Variants in WDFY3 observed in about 807,000 individuals in gnomAD.
WDFY3 encodes the protein WD repeat and FYVE domain-containing protein 3.
A neutral mutation model predicts 409.6 loss-of-function variants in WDFY3; 66 were observed. The ratio of observed to expected loss-of-function variants is 0.16; its 90% confidence interval spans 0.13 to 0.20. WDFY3 has a LOEUF of 0.20. Ranked by LOEUF, WDFY3 falls within the 10% of genes least tolerant of loss-of-function variation. WDFY3 has a pLI of 1.00. For synonymous variants in WDFY3, 1,521 were observed against 1,537.1 expected (o/e 0.99, Z 0.25); for missense variants, 3,031 against 4,298.1 (o/e 0.71, Z 8.24).
intron 1 of WDFY3, among the ~76,000 whole-genome samples, chr4:84,957,895 T>C (rs1337027545): frequency 6.6e-6 from 1 of 152,164 alleles, no homozygotes; most frequent in Non-Finnish European, 1.5e-5. Context: ...AAGTAATAAA[T>C]TAACCTGAAA....
chr4:84,795,345 G>C (rs574667235), intron 19 of WDFY3, among the ~76,000 whole-genome samples: 2 of 152,244 alleles, frequency 1.3e-5, no homozygotes, highest in South Asian at 2.1e-4. Flanking sequence ...GATTGCTTTT[G>C]ACTATTCCCA....
intron 1 of WDFY3, among the ~76,000 whole-genome samples, chr4:84,964,507 T>C (rs1775372268): frequency 6.6e-6 from 1 of 152,206 alleles, no homozygotes; most frequent in Non-Finnish European, 1.5e-5. Context: ...GAACAACTGA[T>C]GTAAACTTTT....
intron 44 of WDFY3, 84 bp from the exon 45 acceptor site, chr4:84,726,995 T>C: frequency 8.2e-7 from 1 of 1,218,392 alleles, no homozygotes; most frequent in African/African-American, 1.5e-5. Flanking sequence ...TTGAGGATTG[T>C]ATGAAATATG....
chr4:84,702,228 G>T, intron 56 of WDFY3, 125 bp downstream of exon 56: 2 of 1,097,332 alleles, frequency 1.8e-6, no homozygotes, highest in South Asian at 2.1e-5. Context: ...GCAAATGACT[G>T]CAAGAAACTG....
At chr4:84,909,049 C>T (rs1767427523) in intron 2 of WDFY3, among the ~76,000 whole-genome samples, 1 of 151,368 alleles carries the variant, frequency 6.6e-6, no homozygotes, top group Non-Finnish European at 1.5e-5. Flanking sequence ...CACACACACG[C>T]ACACACACAC....
chr4:84,732,458 T>C (rs1736757948), intron 44 of WDFY3, among the ~76,000 whole-genome samples: 1 of 152,320 alleles, frequency 6.6e-6, no homozygotes, highest in East Asian at 1.9e-4. Context: ...ATAGTCACTA[T>C]GGAATGTAAT....
intron 4 of WDFY3, among the ~76,000 whole-genome samples, chr4:84,850,951 T>TTTTTTTTTTTTTTTTTA (rs1758906689): frequency 1.1e-5 from 1 of 89,420 alleles, no homozygotes; most frequent in Non-Finnish European, 2.6e-5. Flanking sequence ...TTTTTTTTTT[T>TTTTTTTTTTTTTTTTTA]TTTTTTTTTT....
chr4:84,941,737 A>G (rs993371083), intron 1 of WDFY3, among the ~76,000 whole-genome samples: 7 of 152,132 alleles, frequency 4.6e-5, no homozygotes, highest in Admixed American at 2.6e-4. Flanking sequence ...TGGAAACAAA[A>G]CAAAATTGGA....
chr4:84,938,679 C>T (rs1328714967), intron 1 of WDFY3, among the ~76,000 whole-genome samples: 2 of 152,020 alleles, frequency 1.3e-5, no homozygotes, highest in Non-Finnish European at 2.9e-5. Context: ...AAAATAATTC[C>T]AAACTTACAG....
intron 12 of WDFY3, among the ~76,000 whole-genome samples, chr4:84,819,763 G>A (rs766656760): frequency 3.3e-5 from 5 of 151,922 alleles, no homozygotes; most frequent in Non-Finnish European, 5.9e-5. Flanking sequence ...ACTGTGTAAA[G>A]AAAATATTTT....
chr4:84,963,948 A>T (rs1465560055), intron 1 of WDFY3, among the ~76,000 whole-genome samples: 2 of 152,254 alleles, frequency 1.3e-5, no homozygotes, highest in Non-Finnish European at 2.9e-5. Flanking sequence ...CATAATCAGA[A>T]ATGAAGGACA....
At chr4:84,740,745 T>C (rs1188938203) in intron 38 of WDFY3, among the ~76,000 whole-genome samples, 2 of 152,172 alleles carry the variant, frequency 1.3e-5, no homozygotes, top group African/African-American at 4.8e-5. Context: ...TATATTTTGT[T>C]AGGATAAATG....
At chr4:84,747,220 A>G (rs1014674019) in intron 36 of WDFY3, among the ~76,000 whole-genome samples, 1 of 152,314 alleles carries the variant, frequency 6.6e-6, no homozygotes, top group East Asian at 1.9e-4. Context: ...TGTCCCACAC[A>G]CAGGCCAGAC....
At chr4:84,964,225 A>G (rs1579317038) in intron 1 of WDFY3, among the ~76,000 whole-genome samples, 1 of 152,158 alleles carries the variant, frequency 6.6e-6, no homozygotes, top group Admixed American at 6.5e-5. Context: ...CCCAGCACTT[A>G]GAGAGGCTAA....
rs971300867 is a variant in WDFY3, at chr4:84,777,966, T to C, written c.4518+537A>G. Among the ~76,000 whole-genome samples, 3 of 151,976 alleles carry C rather than the reference T, an allele frequency of 2.0e-5. No individual in the cohort carries two copies. The South Asian group carries it at 6.2e-4, about 31-fold the overall frequency. ...AGTAATAAGCCAGTAGAAATGAAAA[T>C]GCCTTTGAAAGAATGAGGTCCCAAG... On this transcript the variant is annotated intron_variant, in intron 27 of 67. Coordinates refer to ENST00000295888, the MANE Select transcript of WDFY3 (RefSeq NM_014991.6).
At chr4:84,966,076 G>T (rs1775684389) in intron 1 of WDFY3, 133 bp downstream of exon 1, 1 of 152,018 alleles carries the variant, frequency 6.6e-6, no homozygotes, top group African/African-American at 2.4e-5. Context: ...CCTGTCCCTA[G>T]GGGGAGCGGG....
intron 13 of WDFY3, among the ~76,000 whole-genome samples, chr4:84,813,396 C>A (rs1752806060): frequency 6.6e-6 from 1 of 152,094 alleles, no homozygotes. Flanking sequence ...AAATTTACAA[C>A]TAAGTATTTT....
chr4:84,849,822 C>T, intron 5 of WDFY3, 80 bp downstream of exon 5: 4 of 1,565,366 alleles, frequency 2.6e-6, no homozygotes, highest in Non-Finnish European at 3.5e-6. Context: ...GGTCTGTTTT[C>T]CATTTAATTT....
intron 36 of WDFY3, among the ~76,000 whole-genome samples, chr4:84,751,073 T>C (rs773762886): frequency 1.3e-5 from 2 of 152,276 alleles, no homozygotes; most frequent in Non-Finnish European, 2.9e-5. Flanking sequence ...AAATCCAGCC[T>C]GTGCTGTTTC....
Sources: allele counts gnomAD v4.1 joint callset (sites outside exome capture counted in the v4.1 genomes callset), GRCh38; gene constraint gnomAD v4.1.1; transcripts MANE v1.5; gene names NCBI Gene and HGNC (gene_info 2026-07-23, HGNC 2026-07-21).